MSI2: variants seen among roughly 807,000 people sequenced by gnomAD.
MSI2 encodes the protein RNA-binding protein Musashi homolog 2.
In MSI2, 17 loss-of-function variants were observed where a neutral mutation model predicts 45.6. The ratio of observed to expected loss-of-function variants is 0.37; its 90% confidence interval spans 0.26 to 0.56. MSI2 has a LOEUF of 0.56. Ranked by LOEUF, MSI2 falls within the 20% of genes least tolerant of loss-of-function variation. MSI2 has a pLI of 0.77. For missense variants in MSI2, 293 were observed against 444.2 expected, an observed-to-expected ratio of 0.66 and a Z score of 3.06; for synonymous variants, 156 against 158.2, an observed-to-expected ratio of 0.99 and a Z score of 0.11.
chr17:57,337,080 C>T (rs955072429), intron 5 of MSI2, among the ~76,000 whole-genome samples: 2 of 152,196 alleles, frequency 1.3e-5, no homozygotes, highest in African/African-American at 4.8e-5. Flanking sequence ...TTGTCATTGT[C>T]TCCTCCAGAG....
chr17:57,532,531 T>C (rs1324063143), intron 7 of MSI2, among the ~76,000 whole-genome samples: 1 of 152,204 alleles, frequency 6.6e-6, no homozygotes, highest in African/African-American at 2.4e-5. Flanking sequence ...AAAAAAATTT[T>C]TGTTTTTCAA....
At chr17:57,352,227 G>A (rs1916083958) in intron 5 of MSI2, among the ~76,000 whole-genome samples, 1 of 152,194 alleles carries the variant, frequency 6.6e-6, no homozygotes, top group South Asian at 2.1e-4. Context: ...TTCTTTAGTG[G>A]TCTACTCTGA....
intron 6 of MSI2, chr17:57,450,295 G>GAAAGAAAGAAAGAAAGAAAGAAAGA (rs2084986404): frequency 2.2e-5 from 3 of 133,696 alleles, no homozygotes; most frequent in Admixed American, 7.6e-5. Flanking sequence ...AAGAAAGAAA[G>GAAAGAAAGAAAGAAAGAAAGAAAGA]AAAGAAAGAA....
In MSI2 at chr17:57,631,841, G is replaced by C. The variant is rs894830477; in HGVS notation, c.727+4538G>C. The C allele has an allele frequency of 3.1e-6, 5 of 1,613,282 alleles. No homozygotes were observed. The African/African-American group carries it at 6.7e-5, about 21-fold the overall frequency. On this transcript the variant is annotated intron_variant, in intron 10 of 13. Coordinates refer to ENST00000284073, the MANE Select transcript of MSI2 (RefSeq NM_138962.4). ...AATTTTTATCAACTAGCTCTTAAGAGAGGCATAGCAAAGTGGGGGTTGCTA... is the reference window on the plus strand; with the variant it reads ...AATTTTTATCAACTAGCTCTTAAGACAGGCATAGCAAAGTGGGGGTTGCTA...
At chr17:57,460,083 C>A (rs1234474075) in intron 6 of MSI2, among the ~76,000 whole-genome samples, 1 of 151,886 alleles carries the variant, frequency 6.6e-6, no homozygotes, top group Admixed American at 6.6e-5. Flanking sequence ...GAGCCAAGAT[C>A]ATGCCACTGC....
the MSI2 span, among the ~76,000 whole-genome samples, chr17:57,699,867 C>T: frequency 1.3e-5 from 2 of 152,242 alleles, no homozygotes; most frequent in Non-Finnish European, 2.9e-5. Flanking sequence ...TCCCACAGGT[C>T]TCTGGTTAAT....
At chr17:57,650,283 T>A (rs1271267859) in intron 10 of MSI2, among the ~76,000 whole-genome samples, 3 of 150,688 alleles carry the variant, frequency 2.0e-5, no homozygotes, top group Non-Finnish European at 4.4e-5. Context: ...TGGTAAGGAG[T>A]GCAAAGGAAT....
At chr17:57,313,084 A>G (rs1375749220) in intron 5 of MSI2, among the ~76,000 whole-genome samples, 1 of 152,058 alleles carries the variant, frequency 6.6e-6, no homozygotes, top group East Asian at 1.9e-4. Context: ...GGACCTCGTG[A>G]TCCACCAGCC....
At chr17:57,634,755 T>C (rs1456389269) in intron 10 of MSI2, among the ~76,000 whole-genome samples, 1 of 152,256 alleles carries the variant, frequency 6.6e-6, no homozygotes, top group African/African-American at 2.4e-5. Flanking sequence ...AAAAGAAGCC[T>C]GGATGTGGCT....
chr17:57,408,039 C>A (rs2084116832), intron 6 of MSI2, among the ~76,000 whole-genome samples: 1 of 152,196 alleles, frequency 6.6e-6, no homozygotes, highest in Non-Finnish European at 1.5e-5. Context: ...GTAATATGAT[C>A]CTGGGGCTTT....
intron 6 of MSI2, among the ~76,000 whole-genome samples, chr17:57,404,668 G>A (rs545195502): frequency 4.6e-5 from 7 of 152,002 alleles, no homozygotes; most frequent in Admixed American, 1.3e-4. Context: ...CATCCTGCCC[G>A]AGGTGGCAGC....
chr17:57,379,357 C>T (rs1221858192), intron 5 of MSI2, among the ~76,000 whole-genome samples: 3 of 151,864 alleles, frequency 2.0e-5, no homozygotes, highest in Non-Finnish European at 2.9e-5. Flanking sequence ...TGGTCTCTCA[C>T]TGGTACTTTA....
At chr17:57,599,274 C>T (rs1905589857) in intron 8 of MSI2, among the ~76,000 whole-genome samples, 1 of 152,172 alleles carries the variant, frequency 6.6e-6, no homozygotes, top group Non-Finnish European at 1.5e-5. Context: ...AAGGCTTTAT[C>T]CTGGGAAACT....
intron 6 of MSI2, among the ~76,000 whole-genome samples, chr17:57,463,069 C>T (rs924275688): frequency 2.0e-5 from 3 of 152,196 alleles, no homozygotes; most frequent in Non-Finnish European, 2.9e-5. Flanking sequence ...CCTTTCCCTG[C>T]TTATAGCTTG....
chr17:57,695,134 A>G, the MSI2 span, among the ~76,000 whole-genome samples: 1 of 152,214 alleles, frequency 6.6e-6, no homozygotes, highest in African/African-American at 2.4e-5. Context: ...CAAGGCTCAG[A>G]GAAAAGTAAC....
At chr17:57,333,440 C>CT (rs1567762862) in intron 5 of MSI2, among the ~76,000 whole-genome samples, 1,484 of 147,480 alleles carry the variant, frequency 0.01, 31 homozygotes, top group African/African-American at 0.035. Flanking sequence ...TGATTTGTAC[C>CT]GTTTTTTTTT....
chr17:57,442,327 G>A (rs917232834), intron 6 of MSI2, among the ~76,000 whole-genome samples: 11 of 152,130 alleles, frequency 7.2e-5, no homozygotes, highest in Non-Finnish European at 1.3e-4. Context: ...GAGCCACTGC[G>A]CCTGGCCAAC....
chr17:57,348,531 C>T (rs1214565289), intron 5 of MSI2, among the ~76,000 whole-genome samples: 1 of 152,164 alleles, frequency 6.6e-6, no homozygotes, highest in Non-Finnish European at 1.5e-5. Context: ...TCTATGAGTT[C>T]TCATGACAGC....
intron 5 of MSI2, among the ~76,000 whole-genome samples, chr17:57,397,618 CTCT>C (rs930647700): frequency 6.6e-6 from 1 of 152,204 alleles, no homozygotes; most frequent in African/African-American, 2.4e-5. Context: ...GGTTCTCTGC[CTCT>C]CGTGTCCCTC....
Sources: allele counts gnomAD v4.1 joint callset (sites outside exome capture counted in the v4.1 genomes callset), GRCh38; gene constraint gnomAD v4.1.1; transcripts MANE v1.5; gene names NCBI Gene and HGNC (gene_info 2026-07-23, HGNC 2026-07-21).